EPS15: variants seen among roughly 807,000 people sequenced by gnomAD.
EPS15 encodes the protein epidermal growth factor receptor substrate 15.
In EPS15, 72 loss-of-function variants were observed where a neutral mutation model predicts 113.8. The ratio of observed to expected loss-of-function variants is 0.63; its 90% CI spans 0.52 to 0.77. EPS15 has a LOEUF of 0.77. Ranked by LOEUF, EPS15 falls within the 30% of genes least tolerant of loss-of-function variation. EPS15 has a pLI of 0.00. For missense variants in EPS15, 1,048 were observed against 1,045.8 expected (o/e 1.00, Z -0.03); for synonymous variants, 344 against 363.4 (o/e 0.95, Z 0.61).
chr1:51,439,797 C>G (rs1388454934), intron 12 of EPS15, among the ~76,000 whole-genome samples: 2 of 152,012 alleles, frequency 1.3e-5, no homozygotes, highest in Non-Finnish European at 2.9e-5. Context: ...ATCTAAGCAT[C>G]TTAAGTTTCT....
At chr1:51,413,145 C>T (rs2148437406) in intron 13 of EPS15, among the ~76,000 whole-genome samples, 1 of 152,278 alleles carries the variant, frequency 6.6e-6, no homozygotes, top group Non-Finnish European at 1.5e-5. Context: ...CTATGCCTTT[C>T]CACAAGCCAT....
intron 19 of EPS15, among the ~76,000 whole-genome samples, chr1:51,400,712 C>CAAAAAAAAAAAAAA (rs375748381): frequency 1.0e-3 from 60 of 60,150 alleles, no homozygotes; most frequent in Non-Finnish European, 1.2e-3. Context: ...CAAAAAACAC[C>CAAAAAAAAAAAAAA]AAAAAAAAAA....
chr1:51,509,868 G>A (rs1644587352), intron 1 of EPS15, among the ~76,000 whole-genome samples: 1 of 152,146 alleles, frequency 6.6e-6, no homozygotes, highest in Non-Finnish European at 1.5e-5. Flanking sequence ...CCAAGGAATG[G>A]TACCACAATA....
intron 11 of EPS15, among the ~76,000 whole-genome samples, chr1:51,443,275 T>C (rs771167571): frequency 6.6e-6 from 1 of 151,762 alleles, no homozygotes; most frequent in Non-Finnish European, 1.5e-5. Flanking sequence ...TGGTAGGCAA[T>C]TGAATAGGTT....
rs1387588378 is a variant in EPS15, at chr1:51,447,284, T to C, written c.652-179A>G. ...TCAAAATGCTGTGGGGAAGAGAAAA[T>C]AACAGAAGAAAATACAGGTCAGTTA... On this transcript the variant is annotated intron_variant, in intron 9 of 24. Coordinates refer to ENST00000371733, the MANE Select transcript of EPS15 (RefSeq NM_001981.3). Among the ~76,000 whole-genome samples the C allele has an allele frequency of 2.0e-5, 3 of 152,044 alleles. 1 individual carries two copies. The highest frequency in any genetic ancestry group is 4.4e-5 in the Non-Finnish European group (3 of 67,992).
intron 1 of EPS15, among the ~76,000 whole-genome samples, chr1:51,516,461 G>A (rs539414727): frequency 0.032 from 4,814 of 152,232 alleles, 121 homozygotes; most frequent in Non-Finnish European, 0.05. Flanking sequence ...CATACAGTTA[G>A]CTGTGGCCAA....
intron 1 of EPS15, among the ~76,000 whole-genome samples, chr1:51,512,210 T>C (rs187422877): frequency 6.6e-6 from 1 of 152,296 alleles, no homozygotes; most frequent in East Asian, 1.9e-4. Flanking sequence ...AAGTCACCAG[T>C]TCATTTTGTA....
intron 12 of EPS15, among the ~76,000 whole-genome samples, chr1:51,430,852 A>G (rs865829311): frequency 6.6e-6 from 1 of 151,676 alleles, no homozygotes; most frequent in South Asian, 2.1e-4. Context: ...CCAGCTACTC[A>G]GGAGGCTAAG....
intron 21 of EPS15, among the ~76,000 whole-genome samples, chr1:51,393,604 GA>G: frequency 6.6e-6 from 1 of 152,240 alleles, no homozygotes; most frequent in Non-Finnish European, 1.5e-5. Flanking sequence ...TATTCACCTA[GA>G]AAAATAAAGC....
chr1:51,420,421 A>G (rs1650645713), intron 13 of EPS15, among the ~76,000 whole-genome samples: 1 of 152,190 alleles, frequency 6.6e-6, no homozygotes, highest in South Asian at 2.1e-4. Flanking sequence ...TATGTACTTT[A>G]AAGCAGTAAC....
chr1:51,361,378 A>C, intron 23 of EPS15, 23 bp from the exon 24 acceptor site: 4 of 1,579,066 alleles, frequency 2.5e-6, no homozygotes, highest in Non-Finnish European at 3.5e-6. Context: ...CATTACAATT[A>C]ATTCAACCAG....
intron 8 of EPS15, among the ~76,000 whole-genome samples, chr1:51,452,048 A>AT (rs879331547): frequency 7.7e-4 from 112 of 144,646 alleles, no homozygotes; most frequent in Middle Eastern, 7.1e-3. Context: ...AACCCAGCTA[A>AT]TTTTTTTTTT....
intron 1 of EPS15, among the ~76,000 whole-genome samples, chr1:51,511,216 C>T (rs539669268): frequency 4.4e-4 from 66 of 151,050 alleles, no homozygotes; most frequent in African/African-American, 1.4e-3. Flanking sequence ...GTGATTTGGC[C>T]GGGCGCAGTG....
rs1649316450 is a variant in EPS15, at chr1:51,408,192, C to G, written c.1416G>C (p.Lys472Asn). The G allele has an allele frequency of 6.2e-7, 1 of 1,614,086 alleles. No homozygotes were observed. Among genetic ancestry groups the G allele is most frequent in the Non-Finnish European group, 8.5e-7 (1 of 1,179,982 alleles). ...AELEESVESG[K>N]AQLEPLQQHL... Reference sequence around the variant, plus strand: ...GCTGCTGAAGAGGTTCCAACTGAGCCTTCCCTGACTCTACACTCTCCTCCA... The same window carrying G: ...GCTGCTGAAGAGGTTCCAACTGAGCGTTCCCTGACTCTACACTCTCCTCCA... Residue 472 changes from lysine to asparagine, a missense_variant, in exon 15 of 25, where the codon AAG (lysine) becomes AAC (asparagine). By Grantham distance (94) the Lys-to-Asn change is moderately conservative (BLOSUM62 0). Transcript: ENST00000371733.
At chr1:51,404,753 T>C (rs1031047688) in intron 16 of EPS15, among the ~76,000 whole-genome samples, 7 of 152,244 alleles carry the variant, frequency 4.6e-5, no homozygotes, top group African/African-American at 1.7e-4. Flanking sequence ...ATTGGTCATT[T>C]TTATCCAGGT....
chr1:51,395,626 T>C lies in EPS15; in HGVS notation c.2053-1179A>G, dbSNP rs537197776. Among the ~76,000 whole-genome samples, 4 of 152,334 alleles carry C rather than the reference T, an allele frequency of 2.6e-5. No homozygotes were observed. In the East Asian group the frequency reaches 5.8e-4, roughly 22 times the overall value. ...TGGGATCAAGAGCAACTGATCTTGC[T>C]AAAGGTGAGGATGTTACCAGATGCC... On this transcript the variant is annotated intron_variant, in intron 20 of 24. Transcript: ENST00000371733.
intron 16 of EPS15, 84 bp downstream of exon 16, chr1:51,405,821 G>C: frequency 1.8e-6 from 2 of 1,121,974 alleles, no homozygotes; most frequent in South Asian, 2.6e-5. Flanking sequence ...GCAAGGCCAT[G>C]TATTTATATT....
At chr1:51,427,007 T>C (rs75255597) in intron 12 of EPS15, among the ~76,000 whole-genome samples, 6,412 of 152,032 alleles carry the variant, frequency 0.042, 203 homozygotes, top group Middle Eastern at 0.11. Context: ...ATCAAATTCT[T>C]TTTGCCTAAA....
chr1:51,424,503 T>C (rs911183762), intron 12 of EPS15, among the ~76,000 whole-genome samples: 3 of 152,214 alleles, frequency 2.0e-5, no homozygotes, highest in Non-Finnish European at 2.9e-5. Flanking sequence ...TTAAAAGCAA[T>C]TCTCTTTAAG....
Sources: allele counts gnomAD v4.1 joint callset (sites outside exome capture counted in the v4.1 genomes callset), GRCh38; gene constraint gnomAD v4.1.1; transcripts MANE v1.5; gene names NCBI Gene and HGNC (gene_info 2026-07-23, HGNC 2026-07-21).